Variants in AK9 observed in about 807,000 individuals in gnomAD.
AK9 encodes the protein adenylate kinase domain containing 1.
Under a neutral mutation model 239.6 loss-of-function variants are expected in AK9, and 191 were observed. The observed-to-expected ratio is 0.80, with a 90% confidence interval of 0.71 to 0.90. AK9 has a LOEUF of 0.90. Ranked by LOEUF, AK9 falls within the 40% of genes least tolerant of loss-of-function variation. The probability of loss-of-function intolerance (pLI) is 0.00; values close to 1 mark genes in which losing one functional copy is unlikely to be tolerated. For synonymous variants in AK9, 689 were observed against 721.0 expected, an observed-to-expected ratio of 0.96 and a Z score of 0.71; for missense variants, 1,995 against 2,214.7, an observed-to-expected ratio of 0.90 and a Z score of 1.99.
At chr6:109,614,122 C>A (rs1583259703) in intron 15 of AK9, 61 bp downstream of exon 15, 3 of 1,448,590 alleles carry the variant, frequency 2.1e-6, no homozygotes, top group South Asian at 2.5e-5. Flanking sequence ...TAAACATAAT[C>A]AAATATGAAA....
intron 10 of AK9, 61 bp downstream of exon 10, chr6:109,641,457 C>A: frequency 7.2e-7 from 1 of 1,380,868 alleles, no homozygotes; most frequent in East Asian, 2.4e-5. Context: ...GTGTGAGCCA[C>A]TGCACCCTGC....
rs555389622 is a variant in AK9, at chr6:109,595,506, T to G, written c.1843-9434A>C. ...CCCAGCAATCCCATTACTGGGTATATACCCAAAGGATTATTAATCATTTTA... is the reference window on the plus strand; with the variant it reads ...CCCAGCAATCCCATTACTGGGTATAGACCCAAAGGATTATTAATCATTTTA... On this transcript the variant is annotated intron_variant, in intron 17 of 40. Transcript: ENST00000424296. Among the ~76,000 whole-genome samples the G allele has an allele frequency of 6.6e-5, 10 of 152,342 alleles. No individual in the cohort carries two copies. The South Asian group carries it at 2.1e-3, about 32-fold the overall frequency.
At chr6:109,600,507 G>T (rs1394217132) in intron 17 of AK9, among the ~76,000 whole-genome samples, 1 of 152,108 alleles carries the variant, frequency 6.6e-6, no homozygotes, top group Non-Finnish European at 1.5e-5. Flanking sequence ...TTTTTGCATC[G>T]ATGTTCATCA....
chr6:109,516,629 T>C lies in AK9; in HGVS notation c.3647A>G (p.Asp1216Gly). 2 of 1,549,208 alleles carry C rather than the reference T, an allele frequency of 1.3e-6. No homozygotes were observed. The highest frequency in any genetic ancestry group is 1.7e-6 in the Non-Finnish European group (2 of 1,146,296). ...TTCTTCCTCACTAATCTCTTCATCA[T>C]CTCTAACAACATTCTAAGGAAGAAA... ...DKKRRENVVR[D>G]DEEISEEELE... The change falls in exon 30 of 41, where the codon GAT becomes GGT. Residue 1216 changes from aspartate to glycine, a missense_variant. Asp to Gly is a moderately conservative substitution (Grantham distance 94, BLOSUM62 -1). This residue lies in a region of AK9 where 1,290 missense variants were observed against 1,392.7 expected (regional missense o/e 0.93). Coordinates refer to ENST00000424296, the MANE Select transcript of AK9 (RefSeq NM_001145128.3).
At position 109,663,946 on chromosome 6, in the gene AK9, T is replaced by C. The variant is rs117885880; in HGVS notation, c.332-1283A>G. On this transcript the variant is annotated intron_variant, in intron 5 of 40. Coordinates refer to ENST00000424296, the MANE Select transcript of AK9 (RefSeq NM_001145128.3). ...TATGTGAAACTACATTTTCTTCATG[T>C]ATTTCAGCGAAAGCAATATATTGCA... Among the ~76,000 whole-genome samples, 573 of 152,338 alleles carry C rather than the reference T, an allele frequency of 3.8e-3. 1 individual carries two copies. The highest frequency in any genetic ancestry group is 8.5e-3 in the South Asian group (41 of 4,834).
rs184620061 is a variant in AK9 at position 109,532,290 on chromosome 6, C to T, written c.3570+961G>A. ...AAGAATGAAATATACTTTCCCTGTACCTTCCTCCTACCAATGGTAGTTCTT... is the reference window on the plus strand; with the variant it reads ...AAGAATGAAATATACTTTCCCTGTATCTTCCTCCTACCAATGGTAGTTCTT... On this transcript the variant is annotated intron_variant, in intron 28 of 40. Transcript: ENST00000424296. Among the ~76,000 whole-genome samples, 86 of 152,272 alleles carry T rather than the reference C, an allele frequency of 5.6e-4. 1 individual carries two copies. The highest frequency in any genetic ancestry group is 2.0e-3 in the African/African-American group (82 of 41,556).
At chr6:109,684,777 G>A (rs1324545482) in intron 1 of AK9, among the ~76,000 whole-genome samples, 1 of 137,152 alleles carries the variant, frequency 7.3e-6, no homozygotes, top group Non-Finnish European at 1.6e-5. Flanking sequence ...GGGAGGCTGA[G>A]GCAGGAGAAT....
intron 21 of AK9, among the ~76,000 whole-genome samples, chr6:109,571,858 T>C (rs1035926766): frequency 6.6e-6 from 1 of 152,190 alleles, no homozygotes; most frequent in Non-Finnish European, 1.5e-5. Context: ...TAAGGAATAA[T>C]TGACAAAACT....
chr6:109,651,831 A>G (rs1056574912), intron 8 of AK9, among the ~76,000 whole-genome samples: 9 of 152,214 alleles, frequency 5.9e-5, no homozygotes, highest in Non-Finnish European at 1.3e-4. Flanking sequence ...CTGGACATAT[A>G]CACCCTCCCA....
intron 28 of AK9, among the ~76,000 whole-genome samples, chr6:109,531,790 C>G (rs1371823154): frequency 1.3e-5 from 2 of 152,154 alleles, no homozygotes; most frequent in African/African-American, 4.8e-5. Context: ...GCATAGCAGA[C>G]AGTTTGGCCT....
In AK9 at chr6:109,612,056, C is replaced by T; in HGVS notation, c.1647G>A (p.Arg549=). ...KETGETFTFK[R]HSQDASQDVK... ...CATCTTGACTAGCATCTTGAGAATG[C>T]CTTTTAAATGTGAATGTTTCACCAG... Residue 549 remains arginine, a synonymous_variant, in exon 16 of 41, where the codon AGG becomes AGA. Coordinates refer to ENST00000424296, the MANE Select transcript of AK9 (RefSeq NM_001145128.3). 3.9e-6 allele frequency: 6 copies of T among 1,540,882 alleles called. No individual in the cohort carries two copies. Among genetic ancestry groups the T allele is most frequent in the Non-Finnish European group, 4.4e-6 (5 of 1,141,946 alleles).
At chr6:109,665,339 C>T (rs574979591) in intron 5 of AK9, among the ~76,000 whole-genome samples, 75 of 152,258 alleles carry the variant, frequency 4.9e-4, no homozygotes, top group African/African-American at 1.8e-3. Flanking sequence ...TTAAACATAG[C>T]GTGGTATCCC....
rs566890186 is a variant in AK9, at chr6:109,677,960, T to C, written c.-11-2204A>G. The stretch of plus-strand genomic sequence containing the variant: ...GCAGAGAAACTGGATCCCTCATACA[T>C]TGCTGGTGGGAATATAAAATGGTAT... On this transcript the variant is annotated intron_variant, in intron 1 of 40. Transcript: ENST00000424296. Among the ~76,000 whole-genome samples, 52 of 152,300 alleles carry C rather than the reference T, an allele frequency of 3.4e-4. No individual in the cohort carries two copies. In the South Asian group the frequency reaches 0.011, roughly 31 times the overall value.
In AK9 at chr6:109,598,729, G is replaced by T. The variant is rs557284741; in HGVS notation, c.1842+11636C>A. 1.3e-4 allele frequency among the ~76,000 whole-genome samples: 20 copies of T among 152,258 alleles called. No homozygotes were observed. In the East Asian group the frequency reaches 3.9e-3, roughly 29 times the overall value. On this transcript the variant is annotated intron_variant, in intron 17 of 40. Transcript: ENST00000424296. ...TTCCTATTTCTCCACATCCTCTCCAGCACCTGTTGTTTCCTGACTTTTTAA... is the reference window on the plus strand; with the variant it reads ...TTCCTATTTCTCCACATCCTCTCCATCACCTGTTGTTTCCTGACTTTTTAA...
At chr6:109,572,052 T>G (rs1787481057) in intron 21 of AK9, among the ~76,000 whole-genome samples, 1 of 152,210 alleles carries the variant, frequency 6.6e-6, no homozygotes, top group South Asian at 2.1e-4. Flanking sequence ...CTGATACAGC[T>G]GATCTACCAC....
chr6:109,503,971 A>G (rs1777852948), intron 35 of AK9, among the ~76,000 whole-genome samples: 1 of 152,112 alleles, frequency 6.6e-6, no homozygotes, highest in Admixed American at 6.5e-5. Context: ...TTCTGTTCCC[A>G]CCACACTGCA....
At position 109,528,954 on chromosome 6, in the gene AK9, C is replaced by T; in HGVS notation, c.3633+57G>A. On this transcript the variant is annotated intron_variant, in intron 29 of 40. Coordinates refer to ENST00000424296, the MANE Select transcript of AK9 (RefSeq NM_001145128.3). ...GTGAGCTATGATTGTGCCACTGTAC[C>T]CTGCCCTGGGCAACAGAGTGAGACC... The T allele has an allele frequency of 2.5e-6, 4 of 1,585,492 alleles. No homozygotes were observed. The South Asian group carries it at 3.3e-5, about 13-fold the overall frequency.
In AK9 at chr6:109,495,396, G is replaced by C; in HGVS notation, c.5360C>G (p.Pro1787Arg). 2 of 1,613,780 alleles carry C rather than the reference G, an allele frequency of 1.2e-6. No individual in the cohort carries two copies. The highest frequency in any genetic ancestry group is 4.5e-5 in the East Asian group (2 of 44,874). Residue 1787 changes from proline (P) to arginine (R), a missense_variant, in exon 39 of 41, where the codon CCC becomes CGC. Transcript: ENST00000424296. Reference protein sequence around the residue: ...YWEQKLPHKLPPLREPILLTS... With the variant: ...YWEQKLPHKLRPLREPILLTS... The stretch of plus-strand genomic sequence containing the variant: ...AAGAAGTATCGGTTCCCTTAATGGG[G>C]GAAGCTTGTGTGGAAGCTTCTGTTC...
intron 27 of AK9, among the ~76,000 whole-genome samples, chr6:109,541,309 T>C (rs560503892): frequency 6.6e-6 from 1 of 152,236 alleles, no homozygotes; most frequent in Non-Finnish European, 1.5e-5. Flanking sequence ...TATTTCTTTC[T>C]AGTTGGTTCT....
Sources: gnomAD v4.1 joint callset for allele counts (sites outside exome capture counted in the v4.1 genomes callset) on GRCh38, gnomAD v4.1.1 for gene constraint, gnomAD v4.1.1 regional missense constraint, MANE v1.5 for transcripts, NCBI Gene and HGNC (gene_info 2026-07-23, HGNC 2026-07-21) for gene names.